TAOK3: variants seen among roughly 807,000 people sequenced by gnomAD.
TAOK3 encodes the protein serine/threonine-protein kinase TAO3.
TAOK3 carries 40 observed loss-of-function variants against 120.4 expected under a neutral mutation model. The observed-to-expected ratio is 0.33, with a 90% CI of 0.26 to 0.43. The LOEUF (loss-of-function observed/expected upper bound fraction) is 0.43. TAOK3 is among the 20% of genes least tolerant of loss of function. The pLI is 1.00. For missense variants in TAOK3, 821 were observed against 1,112.1 expected, an observed-to-expected ratio of 0.74 and a Z score of 3.72; for synonymous variants, 355 against 387.5, an observed-to-expected ratio of 0.92 and a Z score of 0.99.
intron 9 of TAOK3, among the ~76,000 whole-genome samples, chr12:118,215,348 A>AG (rs1353266047): frequency 2.0e-5 from 3 of 146,916 alleles, no homozygotes; most frequent in Admixed American, 1.3e-4. Context: ...AAAAAAAAAA[A>AG]GAAATACAAA....
At chr12:118,246,397 A>C in intron 3 of TAOK3, 2 of 1,553,644 alleles carry the variant, frequency 1.3e-6, no homozygotes, top group Admixed American at 3.7e-5. Flanking sequence ...CTCAAGGATG[A>C]GGTTTTGAAG....
intron 1 of TAOK3, among the ~76,000 whole-genome samples, chr12:118,299,466 A>T (rs980004416): frequency 6.6e-6 from 1 of 152,186 alleles, no homozygotes; most frequent in African/African-American, 2.4e-5. Context: ...AATTTTGTGA[A>T]TTATTAACAG....
intron 1 of TAOK3, among the ~76,000 whole-genome samples, chr12:118,321,273 T>A (rs1200944071): frequency 6.6e-6 from 1 of 152,130 alleles, no homozygotes; most frequent in Non-Finnish European, 1.5e-5. Flanking sequence ...CACACACATT[T>A]TTTTTCAGAC....
At chr12:118,193,195 G>A (rs146488130) in intron 13 of TAOK3, among the ~76,000 whole-genome samples, 8,085 of 151,374 alleles carry the variant, frequency 0.053, 423 homozygotes, top group East Asian at 0.23. Flanking sequence ...CTACAGGTGC[G>A]TACCACCATA....
At chr12:118,360,409 T>C (rs2045555377) in intron 1 of TAOK3, among the ~76,000 whole-genome samples, 1 of 146,924 alleles carries the variant, frequency 6.8e-6, no homozygotes, top group Non-Finnish European at 1.5e-5. Flanking sequence ...CTACTAAAAA[T>C]ACAAAAAAAT....
chr12:118,154,276 G>T (rs1206869610), intron 19 of TAOK3, among the ~76,000 whole-genome samples: 1 of 152,158 alleles, frequency 6.6e-6, no homozygotes, highest in Non-Finnish European at 1.5e-5. Flanking sequence ...TAAACATTTA[G>T]AACATCTCCA....
intron 1 of TAOK3, among the ~76,000 whole-genome samples, chr12:118,356,210 C>T (rs1396492862): frequency 2.6e-5 from 4 of 152,164 alleles, no homozygotes; most frequent in African/African-American, 4.8e-5. Flanking sequence ...ATGTAACTGT[C>T]CCCTCCCCTC....
chr12:118,232,342 T>C (rs945739516), intron 9 of TAOK3, among the ~76,000 whole-genome samples: 1 of 152,192 alleles, frequency 6.6e-6, no homozygotes, highest in Non-Finnish European at 1.5e-5. Flanking sequence ...ATGGCTGAAG[T>C]TTATCTTATA....
chr12:118,159,312 CTT>C (rs35332392), intron 19 of TAOK3, among the ~76,000 whole-genome samples: 2,519 of 132,066 alleles, frequency 0.019, 54 homozygotes, highest in African/African-American at 0.064. Flanking sequence ...AAATCACTCA[CTT>C]TTTTTTTTTT....
chr12:118,291,827 T>G (rs1278574167), intron 1 of TAOK3, among the ~76,000 whole-genome samples: 1 of 152,144 alleles, frequency 6.6e-6, no homozygotes, highest in Non-Finnish European at 1.5e-5. Context: ...AAAAAATTTT[T>G]TTTTTGAGAT....
chr12:118,212,427 G>A (rs1012119114), intron 11 of TAOK3, among the ~76,000 whole-genome samples: 6 of 152,164 alleles, frequency 3.9e-5, no homozygotes, highest in African/African-American at 9.7e-5. Context: ...TGGTTAACAC[G>A]ATACTCTTAT....
At chr12:118,170,193 C>T (rs2035912559) in intron 17 of TAOK3, among the ~76,000 whole-genome samples, 1 of 151,488 alleles carries the variant, frequency 6.6e-6, no homozygotes, top group African/African-American at 2.4e-5. Flanking sequence ...TCATCATTGC[C>T]CCTATAAGGA....
chr12:118,211,613 CTT>C (rs5801272), intron 11 of TAOK3, among the ~76,000 whole-genome samples: 1,473 of 137,246 alleles, frequency 0.011, 11 homozygotes, highest in Non-Finnish European at 0.014. Flanking sequence ...TCATATTTTC[CTT>C]TTTTTTTTTT....
intron 13 of TAOK3, among the ~76,000 whole-genome samples, chr12:118,195,045 C>A (rs1427556644): frequency 6.6e-6 from 1 of 151,962 alleles, no homozygotes; most frequent in Non-Finnish European, 1.5e-5. Flanking sequence ...CCGTGCCTGG[C>A]CAGTAGAATG....
intron 1 of TAOK3, among the ~76,000 whole-genome samples, chr12:118,311,709 G>A (rs534230695): frequency 6.6e-6 from 1 of 152,264 alleles, no homozygotes; most frequent in East Asian, 1.9e-4. Context: ...GAAATGGCAG[G>A]TGAAGAACTC....
At chr12:118,186,965 T>A (rs1406016056) in intron 14 of TAOK3, among the ~76,000 whole-genome samples, 1 of 152,122 alleles carries the variant, frequency 6.6e-6, no homozygotes, top group Non-Finnish European at 1.5e-5. Context: ...AAAAGCACAA[T>A]GTTGAAAGTG....
intron 1 of TAOK3, among the ~76,000 whole-genome samples, chr12:118,298,152 T>G (rs1055016363): frequency 1.3e-4 from 20 of 152,318 alleles, no homozygotes; most frequent in African/African-American, 4.8e-4. Flanking sequence ...ATGATTTTAC[T>G]TTTGGATGTT....
At chr12:118,189,978 T>C in intron 13 of TAOK3, 37 bp from the exon 14 acceptor site, 1 of 1,609,444 alleles carries the variant, frequency 6.2e-7, no homozygotes, top group Non-Finnish European at 8.5e-7. Context: ...AAAGTCCAGC[T>C]GTGCTCTTTC....
chr12:118,283,268 T>C (rs1048993573), intron 1 of TAOK3, among the ~76,000 whole-genome samples: 2 of 152,226 alleles, frequency 1.3e-5, no homozygotes, highest in Non-Finnish European at 2.9e-5. Flanking sequence ...AAAATATGTA[T>C]ACAGATATGT....
Sources: allele counts gnomAD v4.1 joint callset (sites outside exome capture counted in the v4.1 genomes callset), GRCh38; gene constraint gnomAD v4.1.1; transcripts MANE v1.5; gene names NCBI Gene and HGNC (gene_info 2026-07-23, HGNC 2026-07-21).